The following WWOX variants were observed in gnomAD, a reference collection of about 807,000 sequenced individuals.
WWOX encodes the protein WW domain containing oxidoreductase, also known as WW domain-containing oxidoreductase.
Under a neutral mutation model 46.2 loss-of-function variants are expected in WWOX, and 69 were observed. That is an observed-to-expected ratio of 1.49 (90% confidence interval 1.23 to 1.82). The LOEUF (loss-of-function observed/expected upper bound fraction) is 1.82. Among genes scored for constraint, WWOX ranks in the 40% most tolerant of loss-of-function variants. The pLI, the probability that WWOX is intolerant of heterozygous loss-of-function variation, is 0.00. For missense variants in WWOX, 919 were observed against 542.6 expected (o/e 1.69, Z -6.89); for synonymous variants, 359 against 202.6 (o/e 1.77, Z -6.56).
intron 8 of WWOX, among the ~76,000 whole-genome samples, chr16:78,883,064 C>G (rs558349240): frequency 6.6e-6 from 1 of 152,232 alleles, no homozygotes; most frequent in East Asian, 1.9e-4. Flanking sequence ...AGCGGTTCGC[C>G]TTTCATTTGA....
At chr16:78,502,765 G>GCC (rs998158754) in intron 8 of WWOX, among the ~76,000 whole-genome samples, 1 of 152,156 alleles carries the variant, frequency 6.6e-6, no homozygotes, top group Non-Finnish European at 1.5e-5. Context: ...AGTCATCATT[G>GCC]CCAAGGCCAG....
chr16:78,406,303 A>AATATATATAT (rs532594425), intron 6 of WWOX, among the ~76,000 whole-genome samples: 26 of 57,822 alleles, frequency 4.5e-4, no homozygotes, highest in Admixed American at 8.9e-4. Flanking sequence ...TATAAATATA[A>AATATATATAT]ATATATATAT....
At chr16:78,487,222 CT>C (rs1337706144) in intron 8 of WWOX, among the ~76,000 whole-genome samples, 5 of 150,954 alleles carry the variant, frequency 3.3e-5, no homozygotes, top group African/African-American at 7.3e-5. Flanking sequence ...TTTCCCTTTT[CT>C]TTTTTTTTCT....
chr16:79,049,851 A>G (rs1214487162), intron 8 of WWOX, among the ~76,000 whole-genome samples: 3 of 151,848 alleles, frequency 2.0e-5, no homozygotes, highest in Non-Finnish European at 4.4e-5. Context: ...AAAAAAAAAA[A>G]AAGTTACTTC....
At chr16:78,892,584 G>T (rs1003152577) in intron 8 of WWOX, among the ~76,000 whole-genome samples, 1 of 152,158 alleles carries the variant, frequency 6.6e-6, no homozygotes, top group Non-Finnish European at 1.5e-5. Context: ...ATCCAAAGCA[G>T]CTCCACTTTT....
At chr16:78,178,300 G>A (rs1277092374) in intron 5 of WWOX, among the ~76,000 whole-genome samples, 4 of 152,168 alleles carry the variant, frequency 2.6e-5, no homozygotes, top group East Asian at 1.9e-4. Context: ...AGTTGTTGCT[G>A]TTTTCATTCC....
chr16:78,587,259 C>G (rs1230816656), intron 8 of WWOX, among the ~76,000 whole-genome samples: 1 of 139,066 alleles, frequency 7.2e-6, no homozygotes, highest in Admixed American at 7.8e-5. Context: ...TTGTCTTGTA[C>G]TGGGCTCAAG....
chr16:78,985,888 G>A (rs1002909390), intron 8 of WWOX, among the ~76,000 whole-genome samples: 4 of 152,204 alleles, frequency 2.6e-5, no homozygotes, highest in Non-Finnish European at 4.4e-5. Flanking sequence ...GCTGCCTTCT[G>A]CAGTCCCGTC....
At chr16:78,236,781 A>G (rs2037452842) in intron 5 of WWOX, among the ~76,000 whole-genome samples, 1 of 152,160 alleles carries the variant, frequency 6.6e-6, no homozygotes, top group African/African-American at 2.4e-5. Context: ...TGATGATAAT[A>G]TCTGTGTTCC....
chr16:78,656,445 G>A (rs1435206834), intron 8 of WWOX, among the ~76,000 whole-genome samples: 1 of 152,168 alleles, frequency 6.6e-6, no homozygotes, highest in East Asian at 1.9e-4. Flanking sequence ...AGCCCAGTTA[G>A]GGAGGCCTAA....
intron 8 of WWOX, among the ~76,000 whole-genome samples, chr16:78,662,388 CGTTT>C (rs1385120160): frequency 6.6e-6 from 1 of 151,982 alleles, no homozygotes; most frequent in Non-Finnish European, 1.5e-5. Flanking sequence ...TTTTCTCTTT[CGTTT>C]GTTCTGTTTC....
intron 8 of WWOX, among the ~76,000 whole-genome samples, chr16:78,578,826 A>C (rs2044973298): frequency 6.6e-6 from 1 of 152,188 alleles, no homozygotes; most frequent in Non-Finnish European, 1.5e-5. Flanking sequence ...TGACATTTGG[A>C]ACATGTGTTA....
intron 8 of WWOX, among the ~76,000 whole-genome samples, chr16:78,818,068 G>A (rs892230209): frequency 6.6e-6 from 1 of 152,152 alleles, no homozygotes; most frequent in African/African-American, 2.4e-5. Flanking sequence ...AAGCTAAAAG[G>A]GCCCATCAGA....
chr16:78,898,957 C>G (rs1034690960), intron 8 of WWOX: 2 of 152,104 alleles, frequency 1.3e-5, no homozygotes, highest in Admixed American at 1.3e-4. Context: ...GCAAACTGCT[C>G]TCATATCCTG....
chr16:79,069,814 A>T (rs561902201), intron 8 of WWOX, among the ~76,000 whole-genome samples: 1 of 152,274 alleles, frequency 6.6e-6, no homozygotes, highest in East Asian at 1.9e-4. Flanking sequence ...TGTTTTGCTA[A>T]CTGGTGTTAG....
chr16:78,253,700 T>C (rs1298709786), intron 5 of WWOX, among the ~76,000 whole-genome samples: 2 of 152,196 alleles, frequency 1.3e-5, no homozygotes, highest in African/African-American at 4.8e-5. Context: ...ATATTTAACT[T>C]TACTAACATA....
chr16:78,511,502 A>C (rs1405012673), intron 8 of WWOX, among the ~76,000 whole-genome samples: 1 of 152,198 alleles, frequency 6.6e-6, no homozygotes, highest in East Asian at 1.9e-4. Context: ...TGTTGCCCCC[A>C]AGCCTGTTGC....
Position 78,937,546 on chromosome 16 carries a change from T to C in WWOX, c.1057-274062T>C, listed in dbSNP as rs541558834. 8.0e-5 allele frequency among the ~76,000 whole-genome samples: 12 copies of C among 149,722 alleles called. 1 individual carries two copies. The highest frequency in any genetic ancestry group is 2.9e-4 in the African/African-American group (12 of 40,798). On this transcript the variant is annotated intron_variant, in intron 8 of 8. Transcript: ENST00000566780. ...CTGAGTTCAAGTGATCTGCCTTGCT[T>C]GGCTTCCCAAAGTGCTGCGATTACA...
At chr16:78,269,263 A>C (rs1169102594) in intron 5 of WWOX, 1 of 152,230 alleles carries the variant, frequency 6.6e-6, no homozygotes, top group Non-Finnish European at 1.5e-5. Flanking sequence ...GCTGCAAGAC[A>C]TAGCATAGGT....
Sources: allele counts gnomAD v4.1 joint callset (sites outside exome capture counted in the v4.1 genomes callset), GRCh38; gene constraint gnomAD v4.1.1; transcripts MANE v1.5; gene names NCBI Gene and HGNC (gene_info 2026-07-23, HGNC 2026-07-21).